NPAT: variants seen among roughly 807,000 people sequenced by gnomAD.
NPAT encodes protein NPAT.
Under a neutral mutation model 130.7 loss-of-function variants are expected in NPAT, and 52 were observed. The observed-to-expected ratio is 0.40, with a 90% confidence interval of 0.32 to 0.50. The LOEUF is 0.50. NPAT is among the 20% of genes least tolerant of loss of function. NPAT has a pLI of 0.68. For missense variants in NPAT, 1,687 were observed against 1,662.6 expected (o/e 1.01, Z -0.26); for synonymous variants, 580 against 584.8 (o/e 0.99, Z 0.12).
chr11:108,159,605 ACTTT>A (rs1037483362), intron 17 of NPAT, among the ~76,000 whole-genome samples: 1 of 152,186 alleles, frequency 6.6e-6, no homozygotes, highest in Admixed American at 6.5e-5. Flanking sequence ...TATTTTAAGC[ACTTT>A]CTTTCTATTC....
At chr11:108,190,438 T>C (rs752470155) in intron 5 of NPAT, 22 bp downstream of exon 5, 1 of 1,600,858 alleles carries the variant, frequency 6.2e-7, no homozygotes, top group East Asian at 2.2e-5. Context: ...ATTGTGAACA[T>C]TGTTTAAAGT....
At chr11:108,186,425 T>C in intron 8 of NPAT, 57 bp downstream of exon 8, 1 of 1,262,078 alleles carries the variant, frequency 7.9e-7, no homozygotes, top group African/African-American at 1.5e-5. Flanking sequence ...TGTGTATATA[T>C]CTGTATTTTT....
At chr11:108,222,099 TCCCTATTTG>T (rs962636682) in intron 1 of NPAT, among the ~76,000 whole-genome samples, 17 of 152,110 alleles carry the variant, frequency 1.1e-4, no homozygotes. Flanking sequence ...GCCGGGGAAC[TCCCTATTTG>T]CCCTATTTTG....
chr11:108,158,068 A>G lies in NPAT; in HGVS notation c.*874T>C, dbSNP rs1377118071. ...CCACATAAACTCTCACATAGAACACAAGATTTAAATTATATGTGCATTGGT... is the reference window on the plus strand; with the variant it reads ...CCACATAAACTCTCACATAGAACACGAGATTTAAATTATATGTGCATTGGT... On this transcript the variant is annotated 3_prime_UTR_variant, in exon 18 of 18. Transcript: ENST00000278612. 2 of 152,534 alleles carry G rather than the reference A, an allele frequency of 1.3e-5. No homozygotes were observed. Among genetic ancestry groups the G allele is most frequent in the Admixed American group, 1.3e-4 (2 of 15,276 alleles). 9.4% of individuals were successfully genotyped at this position (152,534 alleles called of 1,614,324 possible).
chr11:108,186,710 G>T, intron 7 of NPAT, 141 bp from the exon 8 acceptor site: 1 of 684,666 alleles, frequency 1.5e-6, no homozygotes, highest in South Asian at 1.7e-5. Context: ...GCTGGTTTCA[G>T]GACCCCCAAG....
At chr11:108,194,632 G>C (rs79532735) in intron 2 of NPAT, among the ~76,000 whole-genome samples, 5 of 152,084 alleles carry the variant, frequency 3.3e-5, no homozygotes, top group Non-Finnish European at 7.4e-5. Context: ...AGACATCTTC[G>C]TTGTCACCAG....
At chr11:108,179,039 A>G (rs1333456530) in intron 10 of NPAT, among the ~76,000 whole-genome samples, 1 of 152,192 alleles carries the variant, frequency 6.6e-6, no homozygotes, top group Non-Finnish European at 1.5e-5. Context: ...GTAGACCAAT[A>G]AAACAGAATA....
intron 1 of NPAT, among the ~76,000 whole-genome samples, chr11:108,217,853 C>G (rs528953249): frequency 6.6e-6 from 1 of 152,006 alleles, no homozygotes; most frequent in Non-Finnish European, 1.5e-5. Context: ...ATTAGCCGGG[C>G]GTGGTGGTGA....
intron 1 of NPAT, among the ~76,000 whole-genome samples, chr11:108,219,692 TG>T (rs1396735580): frequency 6.6e-6 from 1 of 151,938 alleles, no homozygotes; most frequent in Non-Finnish European, 1.5e-5. Context: ...TGCAGAAAAA[TG>T]TCAATATAGT....
rs200814345 is a variant in NPAT at position 108,174,776 on chromosome 11, AC to A, written c.1133-926del. On this transcript the variant is annotated intron_variant, in intron 12 of 17. Transcript: ENST00000278612. ...ATCACAGGTGCGCGCCAGCCACCAC[AC>A]CTGGCTAGCTTTTGTATTTTTAGTA... 6.1e-3 allele frequency among the ~76,000 whole-genome samples: 930 copies of A among 152,022 alleles called. 6 individuals carry two copies. Among genetic ancestry groups the A allele is most frequent in the East Asian group, 0.01 (54 of 5,150 alleles).
intron 15 of NPAT, among the ~76,000 whole-genome samples, chr11:108,165,633 AT>A (rs745405506): frequency 2.3e-3 from 298 of 128,492 alleles, no homozygotes; most frequent in African/African-American, 3.7e-3. Context: ...CCTGGCTAAT[AT>A]TTTTTTTTTT....
chr11:108,190,328 A>G (rs1341184654), intron 5 of NPAT, 132 bp downstream of exon 5: 1 of 611,212 alleles, frequency 1.6e-6, no homozygotes, highest in African/African-American at 1.9e-5. Context: ...AAAAAAAAAA[A>G]AAAAAAAAAG....
In NPAT at chr11:108,198,529, G is replaced by A. The variant is rs1250996580; in HGVS notation, c.38-1109C>T. The stretch of plus-strand genomic sequence containing the variant: ...CAAGCAGACGGGTAGGGTACCCGGT[G>A]AAACCCGACAACTTTCAAGCCAAAG... On this transcript the variant is annotated intron_variant, in intron 1 of 17. Coordinates refer to ENST00000278612, the MANE Select transcript of NPAT (RefSeq NM_002519.3). Among the ~76,000 whole-genome samples, 2 of 152,168 alleles carry A rather than the reference G, an allele frequency of 1.3e-5. 1 individual carries two copies. The highest frequency in any genetic ancestry group is 4.1e-4 in the South Asian group (2 of 4,828).
chr11:108,158,699 G>A lies in NPAT; in HGVS notation c.*243C>T. ...AATATGGAATTGTCAAAGCTATACAGTTTTGCAGATTGGCTTTACTTACAT... is the reference window on the plus strand; with the variant it reads ...AATATGGAATTGTCAAAGCTATACAATTTTGCAGATTGGCTTTACTTACAT... On this transcript the variant is annotated 3_prime_UTR_variant, in exon 18 of 18. Transcript: ENST00000278612. 2.3e-6 allele frequency: 1 copy of A among 435,710 alleles called. No homozygotes were observed. Among genetic ancestry groups the A allele is most frequent in the Non-Finnish European group, 4.2e-6 (1 of 237,360 alleles). 27.0% of individuals were successfully genotyped at this position (435,710 alleles called of 1,614,324 possible).
chr11:108,184,444 C>A (rs1383365053), intron 10 of NPAT, among the ~76,000 whole-genome samples: 2 of 149,746 alleles, frequency 1.3e-5, no homozygotes, highest in African/African-American at 4.9e-5. Flanking sequence ...TGCACTCCAG[C>A]CTGGGCGACA....
At chr11:108,190,836 G>A (rs1189706478) in intron 4 of NPAT, among the ~76,000 whole-genome samples, 1 of 152,206 alleles carries the variant, frequency 6.6e-6, no homozygotes, top group Non-Finnish European at 1.5e-5. Flanking sequence ...ACCCTGGGGG[G>A]CTGAGGTGAG....
intron 17 of NPAT, among the ~76,000 whole-genome samples, chr11:108,159,287 G>A (rs922750397): frequency 6.6e-6 from 1 of 152,148 alleles, no homozygotes; most frequent in East Asian, 1.9e-4. Flanking sequence ...AATGAGACAA[G>A]ATAGAACATG....
Position 108,172,303 on chromosome 11 carries a change from G to A in NPAT, c.2681C>T (p.Ser894Phe), listed in dbSNP as rs1246959979. Residue 894 changes from serine (S) to phenylalanine (F), a missense_variant, in exon 13 of 18, where the codon TCT (serine) becomes TTT (phenylalanine). By Grantham distance (155) the Ser-to-Phe change is radical. Coordinates refer to ENST00000278612, the MANE Select transcript of NPAT (RefSeq NM_002519.3). ...QSNVVVLPGN[S>F]APMTAQPLPP... is the part of the protein sequence containing the mutation. ...TAGAGGTTGAGCAGTCATAGGTGCA[G>A]AATTTCCAGGCAACACCACTACATT... 2 of 1,614,208 alleles carry A rather than the reference G, an allele frequency of 1.2e-6. No homozygotes were observed. Among genetic ancestry groups the A allele is most frequent in the South Asian group, 1.1e-5 (1 of 91,088 alleles).
Position 108,190,699 on chromosome 11 carries a change from C to T in NPAT, c.291-199G>A, listed in dbSNP as rs117470997. 3.3e-4 allele frequency among the ~76,000 whole-genome samples: 50 copies of T among 152,322 alleles called. No individual in the cohort carries two copies. In the East Asian group the frequency reaches 8.3e-3, roughly 25 times the overall value. ...GGAGAAAAATAGTGGCATGTAGACACACTCACAACACACATAATTTTCATT... is the reference window on the plus strand; with the variant it reads ...GGAGAAAAATAGTGGCATGTAGACATACTCACAACACACATAATTTTCATT... On this transcript the variant is annotated intron_variant, in intron 4 of 17. Transcript: ENST00000278612.
Sources: gnomAD v4.1 joint callset for allele counts (sites outside exome capture counted in the v4.1 genomes callset) on GRCh38, gnomAD v4.1.1 for gene constraint, MANE v1.5 for transcripts, NCBI Gene and HGNC (gene_info 2026-07-23, HGNC 2026-07-21) for gene names.